CNTNAP5: variants seen among roughly 807,000 people sequenced by gnomAD.
CNTNAP5 encodes contactin-associated protein-like 5.
In CNTNAP5, 72 loss-of-function variants were observed where a neutral mutation model predicts 150.2. That is an observed-to-expected ratio of 0.48 (90% CI 0.40 to 0.58). The LOEUF is 0.58. CNTNAP5 is among the 20% of genes least tolerant of loss of function. The pLI, the probability that CNTNAP5 is intolerant of heterozygous loss-of-function variation, is 0.00. For missense variants in CNTNAP5, 1,636 were observed against 1,626.2 expected (o/e 1.01, Z -0.10); for synonymous variants, 672 against 619.8 (o/e 1.08, Z -1.25).
intron 21 of CNTNAP5, among the ~76,000 whole-genome samples, chr2:124,894,084 A>T (rs564955301): frequency 1.1e-3 from 166 of 152,208 alleles, no homozygotes; most frequent in African/African-American, 3.8e-3. Flanking sequence ...TGTGTAACTG[A>T]CTGTTGGTTG....
chr2:124,329,024 G>A (rs1285043675), intron 3 of CNTNAP5, among the ~76,000 whole-genome samples: 1 of 152,124 alleles, frequency 6.6e-6, no homozygotes, highest in African/African-American at 2.4e-5. Flanking sequence ...AAGGAGACAG[G>A]GAATGTAGGC....
chr2:124,096,354 A>G (rs1202188569), intron 1 of CNTNAP5, among the ~76,000 whole-genome samples: 1 of 152,216 alleles, frequency 6.6e-6, no homozygotes, highest in Non-Finnish European at 1.5e-5. Context: ...CCCTTTGGGC[A>G]AGAGGTGTGC....
intron 3 of CNTNAP5, among the ~76,000 whole-genome samples, chr2:124,263,714 G>A (rs1341178002): frequency 1.3e-5 from 2 of 152,148 alleles, no homozygotes; most frequent in African/African-American, 2.4e-5. Context: ...TAGACATGAA[G>A]CCCTTGCCTA....
intron 19 of CNTNAP5, among the ~76,000 whole-genome samples, chr2:124,854,802 T>C (rs570795029): frequency 4.6e-5 from 7 of 152,222 alleles, no homozygotes; most frequent in Admixed American, 4.6e-4. Context: ...TCTTGATAAA[T>C]TGAGATTTGT....
At chr2:124,825,053 G>A (rs1682563937) in intron 19 of CNTNAP5, among the ~76,000 whole-genome samples, 1 of 152,100 alleles carries the variant, frequency 6.6e-6, no homozygotes, top group African/African-American at 2.4e-5. Flanking sequence ...GTAAAAATAA[G>A]AGAATGGTCA....
intron 19 of CNTNAP5, among the ~76,000 whole-genome samples, chr2:124,811,690 C>A: frequency 9.1e-6 from 1 of 109,354 alleles, no homozygotes. Context: ...GCCTGTAATC[C>A]CATCACTTTA....
chr2:124,847,512 A>C (rs1414055295), intron 19 of CNTNAP5, among the ~76,000 whole-genome samples: 1 of 152,184 alleles, frequency 6.6e-6, no homozygotes, highest in African/African-American at 2.4e-5. Flanking sequence ...GCCAGAGACC[A>C]GGGCTGAGAA....
In CNTNAP5 at chr2:124,546,858, A is replaced by G. The variant is rs1377799731; in HGVS notation, c.1650-16359A>G. 2.0e-5 allele frequency among the ~76,000 whole-genome samples: 3 copies of G among 152,116 alleles called. 1 individual carries two copies. The highest frequency in any genetic ancestry group is 2.0e-4 in the Admixed American group (3 of 15,260). The stretch of plus-strand genomic sequence containing the variant: ...CTTGACTTGTGAGCCTCCCTTTCCT[A>G]GAGATAGTGATACTTGTCTTACAAG... On this transcript the variant is annotated intron_variant, in intron 10 of 23. Coordinates refer to ENST00000682447, the MANE Select transcript of CNTNAP5 (RefSeq NM_001367498.1).
intron 3 of CNTNAP5, among the ~76,000 whole-genome samples, chr2:124,335,398 C>G (rs1027402839): frequency 1.3e-5 from 2 of 151,612 alleles, no homozygotes; most frequent in Non-Finnish European, 2.9e-5. Flanking sequence ...AAATTGGGCT[C>G]CCAGCTAGCA....
Position 124,513,961 on chromosome 2 carries a change from C to T in CNTNAP5, c.1327+9405C>T, listed in dbSNP as rs143464902. On this transcript the variant is annotated intron_variant, in intron 8 of 23. Transcript: ENST00000682447. ...GCACATCAAGTAAACATGACGAGGC[C>T]GCAAGCTTCATCCTCTGCTTCAATT... is the stretch of plus-strand genomic sequence containing the variant. Among the ~76,000 whole-genome samples, 507 of 152,270 alleles carry T rather than the reference C, an allele frequency of 3.3e-3. 2 individuals are homozygous for T. The highest frequency in any genetic ancestry group is 0.011 in the African/African-American group (472 of 41,550).
At chr2:124,829,918 T>C (rs1480559062) in intron 19 of CNTNAP5, among the ~76,000 whole-genome samples, 1 of 151,772 alleles carries the variant, frequency 6.6e-6, no homozygotes, top group Admixed American at 6.6e-5. Flanking sequence ...ATCAAACTTT[T>C]ATAAAGTTTA....
chr2:124,648,454 C>A (rs1046552329), intron 13 of CNTNAP5, among the ~76,000 whole-genome samples: 9 of 151,974 alleles, frequency 5.9e-5, no homozygotes, highest in Non-Finnish European at 1.0e-4. Flanking sequence ...GCAGGGCAAA[C>A]CTGTGGGTTC....
chr2:124,363,714 A>G (rs1690283876), intron 3 of CNTNAP5, among the ~76,000 whole-genome samples: 1 of 152,196 alleles, frequency 6.6e-6, no homozygotes, highest in Admixed American at 6.5e-5. Context: ...CTTACCACAT[A>G]CACACAAAAG....
intron 3 of CNTNAP5, among the ~76,000 whole-genome samples, chr2:124,338,662 A>G (rs1193856067): frequency 1.3e-5 from 2 of 152,118 alleles, no homozygotes; most frequent in African/African-American, 4.8e-5. Context: ...TCTTTAGAAA[A>G]AATTTCCTCA....
intron 17 of CNTNAP5, among the ~76,000 whole-genome samples, chr2:124,783,870 T>G (rs2104623615): frequency 6.6e-6 from 1 of 152,298 alleles, no homozygotes; most frequent in African/African-American, 2.4e-5. Context: ...CTGGCAAAAC[T>G]CAACCAGATA....
At position 124,706,602 on chromosome 2, in the gene CNTNAP5, C is replaced by T. The variant is rs549857601; in HGVS notation, c.2078-40627C>T. On this transcript the variant is annotated intron_variant, in intron 13 of 23. Transcript: ENST00000682447. ...TCTCTATAAAATATACAAAAATTAG[C>T]GGCTCATGGTGGTACATGCCTGTAG... 9.9e-5 allele frequency among the ~76,000 whole-genome samples: 15 copies of T among 151,726 alleles called. No individual in the cohort carries two copies. In the South Asian group the frequency reaches 1.2e-3, roughly 13 times the overall value.
intron 1 of CNTNAP5, among the ~76,000 whole-genome samples, chr2:124,096,365 A>G (rs1213422474): frequency 1.3e-5 from 2 of 152,202 alleles, no homozygotes; most frequent in Non-Finnish European, 2.9e-5. Context: ...AGAGGTGTGC[A>G]TGAAAAAATA....
chr2:124,156,497 T>A (rs1156384898), intron 1 of CNTNAP5, among the ~76,000 whole-genome samples: 1 of 152,094 alleles, frequency 6.6e-6, no homozygotes, highest in East Asian at 1.9e-4. Flanking sequence ...TTTTGCCTAT[T>A]TATTTTTGTT....
At chr2:124,731,643 G>GA (rs1356773873) in intron 13 of CNTNAP5, among the ~76,000 whole-genome samples, 1 of 151,776 alleles carries the variant, frequency 6.6e-6, no homozygotes, top group African/African-American at 2.4e-5. Flanking sequence ...AGGAAAGAAA[G>GA]AAAAAAGAAA....
Sources: gnomAD v4.1 joint callset for allele counts (sites outside exome capture counted in the v4.1 genomes callset) on GRCh38, gnomAD v4.1.1 for gene constraint, MANE v1.5 for transcripts, NCBI Gene and HGNC (gene_info 2026-07-23, HGNC 2026-07-21) for gene names.